Variants in RELL1 observed in about 807,000 individuals in gnomAD.
RELL1 encodes the protein RELT like 1.
In RELL1, 10 loss-of-function variants were observed where a neutral mutation model predicts 23.0. The observed-to-expected ratio is 0.43, with a 90% confidence interval of 0.27 to 0.74. The LOEUF is 0.74. RELL1 is among the 30% of genes least tolerant of loss of function. RELL1 has a pLI of 0.19. For synonymous variants in RELL1, 146 were observed against 146.8 expected (o/e 0.99, Z 0.04); for missense variants, 315 against 364.4 (o/e 0.86, Z 1.10).
chr4:37,651,520 G>A (rs1391729125), intron 1 of RELL1, among the ~76,000 whole-genome samples: 1 of 152,232 alleles, frequency 6.6e-6, no homozygotes, highest in East Asian at 1.9e-4. Context: ...GCTTTCTCAA[G>A]AGAATTTTGG....
intron 1 of RELL1, among the ~76,000 whole-genome samples, chr4:37,677,489 C>G (rs1261816617): frequency 2.0e-5 from 3 of 152,200 alleles, no homozygotes; most frequent in Non-Finnish European, 4.4e-5. Context: ...CACTCAGACC[C>G]TGGATAATCA....
chr4:37,668,658 C>CAGA (rs1560356214), intron 1 of RELL1, among the ~76,000 whole-genome samples: 1 of 151,696 alleles, frequency 6.6e-6, no homozygotes, highest in Non-Finnish European at 1.5e-5. Context: ...AAGTGAGGAG[C>CAGA]GTCTCTGCCT....
intron 6 of RELL1, among the ~76,000 whole-genome samples, chr4:37,616,111 TTAA>T (rs1719566055): frequency 1.3e-5 from 2 of 152,194 alleles, no homozygotes; most frequent in Admixed American, 6.5e-5. Context: ...GTCTATCTGA[TTAA>T]TAATAACAGC....
chr4:37,677,923 G>A (rs1257460451), intron 1 of RELL1, among the ~76,000 whole-genome samples: 5 of 151,630 alleles, frequency 3.3e-5, no homozygotes, highest in Non-Finnish European at 5.9e-5. Context: ...AGTGAGCCGA[G>A]ATCACACCAT....
In RELL1 at chr4:37,616,559, C is replaced by T. The variant is rs558532458; in HGVS notation, c.*4-3217G>A. On this transcript the variant is annotated intron_variant, in intron 6 of 6. Transcript: ENST00000454158. ...GCTAAAAACCTATACTTTAAAGGGG[C>T]CCAGTCCCTGGGAAGATCAAAAGTA... Among the ~76,000 whole-genome samples, 5 of 152,360 alleles carry T rather than the reference C, an allele frequency of 3.3e-5. No individual in the cohort carries two copies. The South Asian group carries it at 8.3e-4, about 25-fold the overall frequency.
At chr4:37,650,786 G>A (rs1311593748) in intron 1 of RELL1, among the ~76,000 whole-genome samples, 5 of 136,660 alleles carry the variant, frequency 3.7e-5, no homozygotes, top group Non-Finnish European at 6.2e-5. Context: ...AACTGAGATC[G>A]CAGGAAGAAC....
downstream of RELL1, chr4:37,590,389 A>C (rs1718539247): frequency 6.2e-7 from 1 of 1,613,832 alleles, no homozygotes; most frequent in African/African-American, 1.3e-5. Flanking sequence ...GCCCACTGGG[A>C]ATTCCAGCCC....
chr4:37,685,784 G>A (rs1181379519), intron 1 of RELL1, among the ~76,000 whole-genome samples: 1 of 152,236 alleles, frequency 6.6e-6, no homozygotes, highest in Non-Finnish European at 1.5e-5. Flanking sequence ...AGGAGGCGCC[G>A]ACAGCGCACC....
In RELL1 at chr4:37,611,175, CCCA is replaced by C. The variant is rs1719363700; in HGVS notation, c.*2168_*2170del. ...CTAAAGAATATCTTACATTTTATCC[CCCA>C]CCATTTTGAGGGCATATTTTTAAAG... On this transcript the variant is annotated 3_prime_UTR_variant, in exon 7 of 7. Coordinates refer to ENST00000454158, the MANE Select transcript of RELL1 (RefSeq NM_001085400.2). Among the ~76,000 whole-genome samples, 1 of 152,086 alleles carries C rather than the reference CCCA, an allele frequency of 6.6e-6. No homozygotes were observed. Among genetic ancestry groups the C allele is most frequent in the South Asian group, 2.1e-4 (1 of 4,816 alleles).
intron 3 of RELL1, among the ~76,000 whole-genome samples, chr4:37,640,773 C>T (rs1720503977): frequency 6.6e-6 from 1 of 151,818 alleles, no homozygotes; most frequent in Non-Finnish European, 1.5e-5. Flanking sequence ...TTTATTTTAT[C>T]CTTGATTGGT....
At chr4:37,653,344 C>CTCAATACAAGTATTGAAACCTCAATAT (rs761006877) in intron 1 of RELL1, among the ~76,000 whole-genome samples, 2 of 124,314 alleles carry the variant, frequency 1.6e-5, no homozygotes, top group African/African-American at 6.1e-5. Context: ...GTATTGAAAC[C>CTCAATACAAGTATTGAAACCTCAATAT]TCAATACAAG....
At chr4:37,636,594 C>CA (rs11318273) in intron 4 of RELL1, among the ~76,000 whole-genome samples, 1,727 of 86,650 alleles carry the variant, frequency 0.02, 34 homozygotes, top group African/African-American at 0.06. Context: ...GACTCTGTCT[C>CA]AAAAAAAAAA....
At chr4:37,637,587 G>A (rs1288495341) in intron 4 of RELL1, among the ~76,000 whole-genome samples, 1 of 152,136 alleles carries the variant, frequency 6.6e-6, no homozygotes, top group Admixed American at 6.5e-5. Context: ...GTCCCCCAGA[G>A]CCTTCAGTCT....
At chr4:37,660,162 A>T (rs67575147) in intron 1 of RELL1, among the ~76,000 whole-genome samples, 13,292 of 152,088 alleles carry the variant, frequency 0.087, 713 homozygotes, top group African/African-American at 0.14. Context: ...GATTACCAAG[A>T]TGGCTAAATG....
At chr4:37,638,929 C>G (rs1479885221) in intron 3 of RELL1, among the ~76,000 whole-genome samples, 1 of 152,122 alleles carries the variant, frequency 6.6e-6, no homozygotes, top group Non-Finnish European at 1.5e-5. Flanking sequence ...TCATAAGTGA[C>G]CTATAGTCTA....
chr4:37,677,328 C>G (rs2109314492), intron 1 of RELL1, among the ~76,000 whole-genome samples: 1 of 152,318 alleles, frequency 6.6e-6, no homozygotes, highest in South Asian at 2.1e-4. Context: ...CCTGGCTGTG[C>G]CAGCTCAGTT....
At chr4:37,667,003 TC>T (rs1200513700) in intron 1 of RELL1, among the ~76,000 whole-genome samples, 1 of 151,726 alleles carries the variant, frequency 6.6e-6, no homozygotes, top group Non-Finnish European at 1.5e-5. Context: ...TGGTGTGAAG[TC>T]CCCGCTACTG....
chr4:37,660,790 G>A (rs1721304204), intron 1 of RELL1, among the ~76,000 whole-genome samples: 3 of 152,148 alleles, frequency 2.0e-5, no homozygotes, highest in African/African-American at 7.2e-5. Flanking sequence ...CCAGCACTTT[G>A]GGAGGCCAAG....
At chr4:37,590,726 T>C, downstream of RELL1, 6 of 1,613,998 alleles carry the variant, frequency 3.7e-6, no homozygotes, top group Non-Finnish European at 5.1e-6. Flanking sequence ...CAGCCCCCAG[T>C]GGGGGAGCAT....
Sources: gnomAD v4.1 joint callset for allele counts (sites outside exome capture counted in the v4.1 genomes callset) on GRCh38, gnomAD v4.1.1 for gene constraint, MANE v1.5 for transcripts, NCBI Gene and HGNC (gene_info 2026-07-23, HGNC 2026-07-21) for gene names.